The following MGAT5B variants were observed in gnomAD, a reference collection of about 807,000 sequenced individuals.
MGAT5B encodes the protein N-acetylglucosaminyl-transferase Vb.
Under a neutral mutation model 95.1 loss-of-function variants are expected in MGAT5B, and 54 were observed. The ratio of observed to expected loss-of-function variants is 0.57; its 90% CI spans 0.46 to 0.71. MGAT5B has a LOEUF of 0.71. MGAT5B is among the 30% of genes least tolerant of loss of function. MGAT5B has a pLI of 0.00. For synonymous variants in MGAT5B, 464 were observed against 451.0 expected (o/e 1.03, Z -0.36); for missense variants, 935 against 1,088.6 (o/e 0.86, Z 1.99).
intron 12 of MGAT5B, among the ~76,000 whole-genome samples, chr17:76,933,600 C>A (rs1316181386): frequency 6.6e-6 from 1 of 152,058 alleles, no homozygotes; most frequent in East Asian, 1.9e-4. Context: ...TTACATCAAG[C>A]AGGTGGCATG....
At chr17:76,882,952 A>T (rs967582242) in intron 3 of MGAT5B, among the ~76,000 whole-genome samples, 1 of 151,502 alleles carries the variant, frequency 6.6e-6, no homozygotes, top group South Asian at 2.1e-4. Context: ...TGACCTCATG[A>T]TCCACCCGTT....
Position 76,882,200 on chromosome 17 carries a change from G to A in MGAT5B, c.231G>A (p.Leu77=), listed in dbSNP as rs138961825. The A allele has an allele frequency of 1.1e-3, 1,779 of 1,613,612 alleles. 2 individuals carry two copies. Among genetic ancestry groups the A allele is most frequent in the Non-Finnish European group, 1.4e-3 (1,665 of 1,179,876 alleles). The change falls in exon 3 of 18, where the codon CTG becomes CTA. Residue 77 remains leucine, a synonymous_variant. Transcript: ENST00000569840. ...GCGTCCTGCGCAAGATGAGCGACCT[G>A]CTGGAGCTGATGGTGAAGCGCATGG... ...SRGVLRKMSD[L]LELMVKRMDA...
rs1966918157 is a variant in MGAT5B, at chr17:76,869,557, C to A, written c.68+460C>A. ...CCCTAGGTCGGCTACCCCCCAACCC[C>A]TCCGCCTGTGCCACCCTCTCCCCAG... On this transcript the variant is annotated intron_variant, in intron 1 of 17. Transcript: ENST00000569840. This position sits in a 1 kb window ranked among gnomAD's most constrained non-coding sequence, Gnocchi z 7.0. Among the ~76,000 whole-genome samples, 1 of 152,210 alleles carries A rather than the reference C, an allele frequency of 6.6e-6. No homozygotes were observed. Among genetic ancestry groups the A allele is most frequent in the South Asian group, 2.1e-4 (1 of 4,834 alleles).
In MGAT5B at chr17:76,908,272, C is replaced by CTTTTTTTTTT. The variant is rs34430112; in HGVS notation, c.1025+2087_1025+2088insTTTTTTTTTT. ...TTTTTTCCTTTCTTTCTCTTTCTTT[C>CTTTTTTTTTT]TTCTTTTTTTTTTTTTTTTTCAGAT... On this transcript the variant is annotated intron_variant, in intron 8 of 17. Transcript: ENST00000569840. 2.3e-5 allele frequency among the ~76,000 whole-genome samples: 3 copies of CTTTTTTTTTT among 128,276 alleles called. 1 individual carries two copies. The highest frequency in any genetic ancestry group is 8.1e-5 in the Admixed American group (1 of 12,284). 84.2% of individuals were successfully genotyped at this position (128,276 alleles called of 152,430 possible).
At chr17:76,911,196 G>A (rs1968721205) in intron 8 of MGAT5B, among the ~76,000 whole-genome samples, 1 of 152,210 alleles carries the variant, frequency 6.6e-6, no homozygotes, top group Admixed American at 6.5e-5. Flanking sequence ...ATTCTAATGG[G>A]CACCAAAGGT....
intron 3 of MGAT5B, among the ~76,000 whole-genome samples, chr17:76,883,106 T>C (rs1222872244): frequency 6.6e-6 from 1 of 152,100 alleles, no homozygotes; most frequent in Non-Finnish European, 1.5e-5. Flanking sequence ...CAAGTGATTC[T>C]CGTGCCTCAG....
intron 2 of MGAT5B, among the ~76,000 whole-genome samples, chr17:76,877,458 G>T (rs959693665): frequency 1.3e-5 from 2 of 152,186 alleles, no homozygotes; most frequent in African/African-American, 4.8e-5. Context: ...CTCCACCAGG[G>T]ATTGAACCTG....
rs760506084 is a variant in MGAT5B at position 76,869,014 on chromosome 17, C to T, written c.-16C>T. ...CCGGCCTCGCCCGCGGCTGCTCGCA[C>T]CAACAAGTTTGAACAATGATCACCG... On this transcript the variant is annotated 5_prime_UTR_variant, in exon 1 of 18. Coordinates refer to ENST00000569840, the MANE Select transcript of MGAT5B (RefSeq NM_001199172.2). This position sits in a 1 kb window ranked among gnomAD's most constrained non-coding sequence, Gnocchi z 7.0. 2.5e-5 allele frequency: 40 copies of T among 1,613,548 alleles called. No individual in the cohort carries two copies. Among genetic ancestry groups the T allele is most frequent in the Non-Finnish European group, 8.5e-6 (10 of 1,179,736 alleles).
chr17:76,880,319 C>G (rs899087111), intron 2 of MGAT5B, among the ~76,000 whole-genome samples: 1 of 152,198 alleles, frequency 6.6e-6, no homozygotes, highest in African/African-American at 2.4e-5. Flanking sequence ...TGAGTGGTCC[C>G]GCCCCAGCTC....
At chr17:76,911,438 TAG>T (rs1170343632) in intron 8 of MGAT5B, among the ~76,000 whole-genome samples, 17 of 152,288 alleles carry the variant, frequency 1.1e-4, no homozygotes, top group African/African-American at 4.1e-4. Context: ...CCTTGGTTGC[TAG>T]AGTGTGGCTT....
intron 1 of MGAT5B, among the ~76,000 whole-genome samples, chr17:76,872,411 A>G (rs987536767): frequency 2.0e-5 from 3 of 152,194 alleles, no homozygotes; most frequent in Non-Finnish European, 4.4e-5. Flanking sequence ...AATCTTCAGG[A>G]GACTTTGCTA....
chr17:76,919,620 G>T (rs997268066), intron 8 of MGAT5B, among the ~76,000 whole-genome samples: 1 of 152,124 alleles, frequency 6.6e-6, no homozygotes, highest in East Asian at 1.9e-4. Flanking sequence ...TGGTAGAGAT[G>T]GGGTTTCGCC....
At position 76,932,722 on chromosome 17, in the gene MGAT5B, G is replaced by T. The variant is rs747595499; in HGVS notation, c.1369G>T (p.Gly457Cys). The T allele has an allele frequency of 3.1e-6, 5 of 1,613,874 alleles. No individual in the cohort carries two copies. Among genetic ancestry groups the T allele is most frequent in the Non-Finnish European group, 4.2e-6 (5 of 1,179,954 alleles). ...GACGGAGAAGCGGCTCATCAAAGGC[G>T]GCAAGGCCAGCAACATGGCCGTGGT... Reference protein sequence around the residue: ...NETEKRLIKGGKASNMAVVYG... With the variant: ...NETEKRLIKGCKASNMAVVYG... Residue 457 changes from glycine to cysteine, a missense_variant, in exon 11 of 18, where the codon GGC becomes TGC. Coordinates refer to ENST00000569840, the MANE Select transcript of MGAT5B (RefSeq NM_001199172.2).
rs1007016484 is a variant in MGAT5B at position 76,916,746 on chromosome 17, G to A, written c.1026-8220G>A. Among the ~76,000 whole-genome samples, 1 of 152,212 alleles carries A rather than the reference G, an allele frequency of 6.6e-6. No individual in the cohort carries two copies. Among genetic ancestry groups the A allele is most frequent in the Non-Finnish European group, 1.5e-5 (1 of 68,036 alleles). On this transcript the variant is annotated intron_variant, in intron 8 of 17. Coordinates refer to ENST00000569840, the MANE Select transcript of MGAT5B (RefSeq NM_001199172.2). This position sits in a 1 kb window ranked among gnomAD's most constrained non-coding sequence, Gnocchi z 5.3. ...GGCCTCTGTGAATCTCAGGGGTCGT[G>A]GGTTCTCGAGAAGGGATGAGGGGAC...
Position 76,916,022 on chromosome 17 carries a change from C to T in MGAT5B, c.1026-8944C>T, listed in dbSNP as rs1030227015. On this transcript the variant is annotated intron_variant, in intron 8 of 17. Transcript: ENST00000569840. The surrounding 1 kb of genome is among the most constrained non-coding windows in gnomAD (Gnocchi z 5.3). ...AGAGAGGGAGCAGGCGCCGGCATGC[C>T]GAGTGTGGCGGGGTCACGTTGAGTG... is the stretch of plus-strand genomic sequence containing the variant. Among the ~76,000 whole-genome samples, 2 of 152,210 alleles carry T rather than the reference C, an allele frequency of 1.3e-5. No homozygotes were observed. Among genetic ancestry groups the T allele is most frequent in the African/African-American group, 4.8e-5 (2 of 41,476 alleles).
intron 8 of MGAT5B, among the ~76,000 whole-genome samples, chr17:76,909,765 G>A (rs1157319779): frequency 1.3e-5 from 2 of 152,198 alleles, no homozygotes; most frequent in African/African-American, 2.4e-5. Flanking sequence ...GGTCTGGATT[G>A]TGTTGCTTAG....
At chr17:76,928,757 T>C (rs1432096351) in intron 10 of MGAT5B, among the ~76,000 whole-genome samples, 2 of 151,924 alleles carry the variant, frequency 1.3e-5, no homozygotes, top group Non-Finnish European at 2.9e-5. Flanking sequence ...AGCAGTCAGA[T>C]TGGAGGCTGG....
chr17:76,946,617 A>G (rs1217623034), intron 16 of MGAT5B, among the ~76,000 whole-genome samples, 167 bp downstream of exon 16: 2 of 152,224 alleles, frequency 1.3e-5, no homozygotes, highest in Non-Finnish European at 2.9e-5. Flanking sequence ...GGCTGGAGAC[A>G]GGCAGGCCTG....
chr17:76,869,229 G>T lies in MGAT5B; in HGVS notation c.68+132G>T. 1 of 782,398 alleles carries T rather than the reference G, an allele frequency of 1.3e-6. No individual in the cohort carries two copies. The highest frequency in any genetic ancestry group is 2.2e-6 in the Non-Finnish European group (1 of 450,946). The allele number at this position is 782,398 out of a possible 1,614,324, so 48.5% of individuals were successfully genotyped here. On this transcript the variant is annotated intron_variant, in intron 1 of 17. Transcript: ENST00000569840. The surrounding 1 kb of genome is among the most constrained non-coding windows in gnomAD (Gnocchi z 7.0). ...ACACTTCAACCCCTGGTGATGACCA[G>T]TGGGGCTGGGCTGGGGGAACGGATG... is the stretch of plus-strand genomic sequence containing the variant.
Sources: allele counts gnomAD v4.1 joint callset (sites outside exome capture counted in the v4.1 genomes callset), GRCh38; gene constraint gnomAD v4.1.1; non-coding constraint Gnocchi (gnomAD v3.1); transcripts MANE v1.5; gene names NCBI Gene and HGNC (gene_info 2026-07-23, HGNC 2026-07-21).